AKAP6: variants seen among roughly 807,000 people sequenced by gnomAD.
AKAP6 encodes the protein A-kinase anchoring protein 6.
Under a neutral mutation model 188.5 loss-of-function variants are expected in AKAP6, and 58 were observed. The observed-to-expected ratio is 0.31, with a 90% CI of 0.25 to 0.38. AKAP6 has a LOEUF of 0.38. Among genes scored for constraint, AKAP6 ranks in the 10% least tolerant of loss-of-function variants. AKAP6 has a pLI of 1.00. For synonymous variants in AKAP6, 989 were observed against 998.6 expected, an observed-to-expected ratio of 0.99 and a Z score of 0.18; for missense variants, 2,710 against 2,740.0, an observed-to-expected ratio of 0.99 and a Z score of 0.24.
chr14:32,402,038 A>C (rs1458256854), intron 1 of AKAP6: 5 of 152,210 alleles, frequency 3.3e-5, no homozygotes, highest in Non-Finnish European at 5.9e-5. Flanking sequence ...GACTGTTGAC[A>C]GTTGAATAAA....
chr14:32,528,250 G>A (rs181476624), intron 2 of AKAP6, among the ~76,000 whole-genome samples: 6 of 145,588 alleles, frequency 4.1e-5, no homozygotes, highest in South Asian at 2.2e-4. Context: ...CTCCTTTGTC[G>A]AACATCAGTT....
intron 2 of AKAP6, among the ~76,000 whole-genome samples, chr14:32,481,230 T>C (rs575964148): frequency 6.6e-6 from 1 of 152,294 alleles, no homozygotes; most frequent in South Asian, 2.1e-4. Flanking sequence ...AATTCCAAGA[T>C]GGTAAACACT....
chr14:32,615,696 C>T (rs947691260), intron 7 of AKAP6, among the ~76,000 whole-genome samples: 8 of 150,122 alleles, frequency 5.3e-5, no homozygotes, highest in Non-Finnish European at 1.0e-4. Flanking sequence ...CTCAGGTTCA[C>T]GCCATTCTCC....
chr14:32,571,209 GCTGA>G (rs1594752249), intron 4 of AKAP6, among the ~76,000 whole-genome samples: 1 of 148,042 alleles, frequency 6.8e-6, no homozygotes, highest in Non-Finnish European at 1.5e-5. Flanking sequence ...AACAGCAGAA[GCTGA>G]CTTTTTTTTT....
At chr14:32,807,685 C>T (rs776780456) in intron 12 of AKAP6, among the ~76,000 whole-genome samples, 5 of 152,144 alleles carry the variant, frequency 3.3e-5, no homozygotes, top group East Asian at 1.9e-4. Context: ...TTCCATTTCT[C>T]GAGTTTTAGA....
intron 5 of AKAP6, among the ~76,000 whole-genome samples, chr14:32,587,205 T>A (rs181188550): frequency 6.9e-6 from 1 of 145,334 alleles, no homozygotes; most frequent in East Asian, 2.4e-4. Context: ...ATTCTTAGCC[T>A]GTTTTTCTGT....
chr14:32,570,547 T>C (rs938869552), intron 4 of AKAP6, among the ~76,000 whole-genome samples: 2 of 152,134 alleles, frequency 1.3e-5, no homozygotes, highest in Admixed American at 6.6e-5. Flanking sequence ...ATTGGAACTT[T>C]TGTGAATTAG....
intron 8 of AKAP6, among the ~76,000 whole-genome samples, chr14:32,687,918 C>T (rs1369059203): frequency 6.6e-6 from 1 of 152,052 alleles, no homozygotes; most frequent in East Asian, 1.9e-4. Flanking sequence ...GAAATGTATT[C>T]ACTTGGGTCA....
At chr14:32,389,372 C>A (rs1442554264) in intron 1 of AKAP6, among the ~76,000 whole-genome samples, 1 of 151,826 alleles carries the variant, frequency 6.6e-6, no homozygotes, top group Non-Finnish European at 1.5e-5. Flanking sequence ...AGGTACCATT[C>A]TATTCATCCT....
chr14:32,483,324 T>C (rs1381800754), intron 2 of AKAP6, among the ~76,000 whole-genome samples: 1 of 152,182 alleles, frequency 6.6e-6, no homozygotes, highest in Non-Finnish European at 1.5e-5. Context: ...TTTTGATTTG[T>C]AGAAAATAGT....
At chr14:32,450,779 A>C (rs778040290) in intron 2 of AKAP6, among the ~76,000 whole-genome samples, 4 of 152,144 alleles carry the variant, frequency 2.6e-5, no homozygotes, top group Non-Finnish European at 4.4e-5. Flanking sequence ...CCTTCTAAAA[A>C]GTAGAAGGAG....
chr14:32,510,436 G>A (rs12893340), intron 2 of AKAP6, among the ~76,000 whole-genome samples: 32 of 30,230 alleles, frequency 1.1e-3, no homozygotes, highest in South Asian at 4.8e-3. Flanking sequence ...ATATATATAT[G>A]TGTATATATA....
intron 1 of AKAP6, among the ~76,000 whole-genome samples, chr14:32,359,911 A>G (rs552092448): frequency 6.6e-6 from 1 of 152,272 alleles, no homozygotes; most frequent in African/African-American, 2.4e-5. Flanking sequence ...CACAGTTAAT[A>G]TGGTATTTGT....
chr14:32,512,301 T>C (rs1881300192), intron 2 of AKAP6, among the ~76,000 whole-genome samples: 1 of 152,228 alleles, frequency 6.6e-6, no homozygotes, highest in Non-Finnish European at 1.5e-5. Flanking sequence ...AGTAGAATTC[T>C]GTGTGTATAA....
chr14:32,792,115 G>T (rs1384881045), intron 12 of AKAP6, among the ~76,000 whole-genome samples: 1 of 152,024 alleles, frequency 6.6e-6, no homozygotes, highest in African/African-American at 2.4e-5. Context: ...CTCTTTTTTG[G>T]TTCCATATGA....
rs1206957554 is a variant in AKAP6, at chr14:32,822,855, A to G, written c.5042A>G (p.Asn1681Ser). The G allele has an allele frequency of 6.2e-7, 1 of 1,613,938 alleles. No individual in the cohort carries two copies. The highest frequency in any genetic ancestry group is 2.2e-5 in the East Asian group (1 of 44,884). ...TCATTGGACATAGCATCTTCTATCA[A>G]TGAAGACTCAGCGGCATCTCTAACA... ...QMSLDIASSI[N>S]EDSAASLTEL... is the part of the protein sequence containing the mutation. Residue 1681 changes from asparagine (N) to serine (S), a missense_variant, in exon 13 of 14, where the codon AAT becomes AGT. Around this residue, in one of 2 missense-constraint regions of AKAP6, gnomAD observed 2,473 missense variants for 2,426.1 expected, o/e 1.02. Transcript: ENST00000280979.
At chr14:32,470,674 G>C (rs1484636375) in intron 2 of AKAP6, among the ~76,000 whole-genome samples, 1 of 152,208 alleles carries the variant, frequency 6.6e-6, no homozygotes, top group Non-Finnish European at 1.5e-5. Flanking sequence ...TAGAATCGTA[G>C]TTTGAACAGA....
intron 1 of AKAP6, chr14:32,403,446 T>C (rs1187063078): frequency 1.3e-5 from 2 of 152,190 alleles, no homozygotes; most frequent in African/African-American, 2.4e-5. Context: ...ATTAGACTGA[T>C]TGTATTTTTT....
At chr14:32,542,441 G>A (rs1998242) in intron 3 of AKAP6, among the ~76,000 whole-genome samples, 68,168 of 152,026 alleles carry the variant, frequency 0.45, 19,484 homozygotes, top group African/African-American at 0.81. Flanking sequence ...AAACTAGTGG[G>A]AAAAACAAAT....
Sources: allele counts gnomAD v4.1 joint callset (sites outside exome capture counted in the v4.1 genomes callset), GRCh38; gene constraint gnomAD v4.1.1; regional missense constraint gnomAD v4.1.1; transcripts MANE v1.5; gene names NCBI Gene and HGNC (gene_info 2026-07-23, HGNC 2026-07-21).